The following USP48 variants were observed in gnomAD, a reference collection of about 807,000 sequenced individuals.
USP48 encodes ubiquitin carboxyl-terminal hydrolase 48.
A neutral mutation model predicts 150.7 loss-of-function variants in USP48; 43 were observed. The observed-to-expected ratio is 0.29, with a 90% CI of 0.22 to 0.37. The LOEUF (loss-of-function observed/expected upper bound fraction) is 0.37. USP48 is among the 10% of genes least tolerant of loss of function. The pLI, the probability that USP48 is intolerant of heterozygous loss-of-function variation, is 1.00. For missense variants in USP48, 813 were observed against 1,249.6 expected (o/e 0.65, Z 5.27); for synonymous variants, 396 against 425.9 (o/e 0.93, Z 0.86).
intron 15 of USP48, among the ~76,000 whole-genome samples, chr1:21,714,457 C>G (rs772141028): frequency 5.3e-5 from 8 of 152,062 alleles, no homozygotes; most frequent in African/African-American, 1.9e-4. Flanking sequence ...GAGACAGGGT[C>G]TTGCTGTGTT....
chr1:21,750,450 G>A (rs558162812), intron 6 of USP48, among the ~76,000 whole-genome samples: 1 of 152,146 alleles, frequency 6.6e-6, no homozygotes, highest in East Asian at 1.9e-4. Flanking sequence ...AGCCCTTATT[G>A]TAGTTGACCC....
intron 14 of USP48, among the ~76,000 whole-genome samples, chr1:21,718,483 T>C (rs2097710922): frequency 6.6e-6 from 1 of 152,054 alleles, no homozygotes. Flanking sequence ...TTTTAAGCTA[T>C]GCCAACATGA....
chr1:21,706,547 T>C lies in USP48; in HGVS notation c.2131A>G (p.Met711Val). The change falls in exon 17 of 27, where the codon ATG (methionine) becomes GTG (valine). Residue 711 changes from methionine to valine, a missense_variant. By Grantham distance (21) the Met-to-Val change is conservative. Coordinates refer to ENST00000308271, the MANE Select transcript of USP48 (RefSeq NM_032236.8). ...GAAGTCTTTTGCTCGTTTGCAATCA[T>C]CTTATGTAAGGCTTCATTTTCTTCC... is the stretch of plus-strand genomic sequence containing the variant. ...EGEENEALHKMIANEQKTSLP... is the reference protein window; with the variant it reads ...EGEENEALHKVIANEQKTSLP... 6.2e-7 allele frequency: 1 copy of C among 1,614,222 alleles called. No individual in the cohort carries two copies. The highest frequency in any genetic ancestry group is 8.5e-7 in the Non-Finnish European group (1 of 1,180,032).
intron 20 of USP48, among the ~76,000 whole-genome samples, 188 bp downstream of exon 20, chr1:21,704,074 G>T (rs2097665080): frequency 6.6e-6 from 1 of 152,098 alleles, no homozygotes; most frequent in Non-Finnish European, 1.5e-5. Flanking sequence ...ACATGCAAAT[G>T]ATAAGGAAAT....
rs1311917843 is a variant in USP48 at position 21,739,936 on chromosome 1, G to GA, written c.992-3312dup. ...CAGTATTTGTCTTTTTTTTGAGATG[G>GA]AGTTTGGTCTTGTTGCCCAGGCTGG... On this transcript the variant is annotated intron_variant, in intron 8 of 26. Transcript: ENST00000308271. 6.7e-4 allele frequency among the ~76,000 whole-genome samples: 4 copies of GA among 5,968 alleles called. No homozygotes were observed. In the Non-Finnish European group the frequency reaches 9.6e-3, roughly 14 times the overall value. The allele number at this position is 5,968 out of a possible 152,430, so 3.9% of individuals were successfully genotyped here. A position where few individuals can be genotyped will look rare whatever the true frequency, so the allele number is the denominator to read the frequency against.
At chr1:21,762,865 C>CAA (rs34834573) in intron 1 of USP48, among the ~76,000 whole-genome samples, 6,754 of 75,586 alleles carry the variant, frequency 0.089, 317 homozygotes, top group Non-Finnish European at 0.13. Context: ...GACTTCATCT[C>CAA]AAAAAAAAAA....
At chr1:21,770,953 T>C (rs1468075423) in intron 1 of USP48, among the ~76,000 whole-genome samples, 2 of 151,218 alleles carry the variant, frequency 1.3e-5, no homozygotes, top group African/African-American at 4.9e-5. Flanking sequence ...TGAAACCCCA[T>C]CTCTACTAAA....
At chr1:21,705,700 A>C in intron 19 of USP48, 27 bp downstream of exon 19, 2 of 1,512,004 alleles carry the variant, frequency 1.3e-6, no homozygotes, top group Non-Finnish European at 1.8e-6. Flanking sequence ...AGAAGAAAAA[A>C]AAATCACATG....
Position 21,723,940 on chromosome 1 carries a change from C to T in USP48, c.1606G>A (p.Asp536Asn), listed in dbSNP as rs370123033. The change falls in exon 12 of 27, where the codon GAC becomes AAC. Residue 536 changes from aspartate to asparagine, a missense_variant. Transcript: ENST00000308271. ...IMKRISEYAA[D>N]IFYSRYGGGP... is the part of the protein sequence containing the mutation. ...CCTCCATATCTACTATAGAAAATGT[C>T]AGCTGCATATTCAGATATCCTCTTC... The T allele has an allele frequency of 8.9e-5, 144 of 1,614,018 alleles. No individual in the cohort carries two copies. The highest frequency in any genetic ancestry group is 1.8e-4 in the South Asian group (16 of 91,088).
chr1:21,714,333 C>A (rs936341425), intron 15 of USP48, among the ~76,000 whole-genome samples: 3 of 152,132 alleles, frequency 2.0e-5, no homozygotes. Context: ...TGGAGTGCAG[C>A]GTCGTGATCA....
Position 21,697,459 on chromosome 1 carries a change from T to G in USP48, c.2728-2238A>C, listed in dbSNP as rs185896330. Among the ~76,000 whole-genome samples, 856 of 152,054 alleles carry G rather than the reference T, an allele frequency of 5.6e-3. 11 individuals are homozygous for G. The highest frequency in any genetic ancestry group is 5.2e-3 in the Non-Finnish European group (352 of 67,960). On this transcript the variant is annotated intron_variant, in intron 22 of 26. Transcript: ENST00000308271. ...TGGGCGGATCACAAGGTCAGGAGAT[T>G]GAGACCATCCTGGCTAACATGGTGA...
intron 15 of USP48, among the ~76,000 whole-genome samples, chr1:21,712,351 G>A (rs1339765776): frequency 1.3e-5 from 2 of 151,826 alleles, no homozygotes; most frequent in Admixed American, 6.6e-5. Flanking sequence ...ACAGTGAGAC[G>A]CCATCTCAAA....
chr1:21,689,956 A>T lies in USP48; in HGVS notation c.3009+18T>A. ...ATGTAAAACCTTGAGTTCTTCAGCT[A>T]AGGAGCTGTTTACTTACCTTCAATA... is the stretch of plus-strand genomic sequence containing the variant. On this transcript the variant is annotated intron_variant, in intron 24 of 26. Transcript: ENST00000308271. 1.2e-6 allele frequency: 2 copies of T among 1,612,874 alleles called. No homozygotes were observed. The highest frequency in any genetic ancestry group is 1.7e-6 in the Non-Finnish European group (2 of 1,179,434).
chr1:21,729,189 A>AG (rs2097749212), intron 10 of USP48, among the ~76,000 whole-genome samples: 1 of 151,952 alleles, frequency 6.6e-6, no homozygotes, highest in African/African-American at 2.4e-5. Context: ...AGGCTGAGGC[A>AG]CAGAACTGCT....
intron 9 of USP48, among the ~76,000 whole-genome samples, chr1:21,734,557 C>G (rs2097764453): frequency 6.6e-6 from 1 of 152,206 alleles, no homozygotes; most frequent in Non-Finnish European, 1.5e-5. Context: ...TACTGGACAC[C>G]TTGAATAAAT....
At chr1:21,694,234 A>T (rs1236435578) in intron 23 of USP48, among the ~76,000 whole-genome samples, 1 of 152,136 alleles carries the variant, frequency 6.6e-6, no homozygotes, top group Non-Finnish European at 1.5e-5. Flanking sequence ...ATCTAAAATA[A>T]ATCTATATAA....
intron 9 of USP48, among the ~76,000 whole-genome samples, chr1:21,730,886 A>G (rs1312224268): frequency 6.6e-6 from 1 of 150,780 alleles, no homozygotes. Flanking sequence ...TCAGCCTCTC[A>G]AGTAGCTGGG....
rs970180143 is a variant in USP48 at position 21,757,644 on chromosome 1, T to C, written c.255+19A>G. ...ACAAAAAACAGCATATAGCAATCGC[T>C]TAAAAAATGATGGTTTACCTTTTTT... On this transcript the variant is annotated intron_variant, in intron 2 of 26. Coordinates refer to ENST00000308271, the MANE Select transcript of USP48 (RefSeq NM_032236.8). The C allele has an allele frequency of 8.7e-6, 14 of 1,601,550 alleles. No individual in the cohort carries two copies. Among genetic ancestry groups the C allele is most frequent in the South Asian group, 2.3e-5 (2 of 87,862 alleles).
Position 21,706,184 on chromosome 1 carries a change from T to A in USP48, c.2215A>T (p.Thr739Ser), listed in dbSNP as rs765984988. 7.1e-5 allele frequency: 115 copies of A among 1,613,358 alleles called. No individual in the cohort carries two copies. The highest frequency in any genetic ancestry group is 9.2e-5 in the Non-Finnish European group (109 of 1,179,766). ...RPCLSNWPEDTDVLYIVSQFF... is the reference protein window; with the variant it reads ...RPCLSNWPEDSDVLYIVSQFF... ...TGAGACACGATGTAGAGGACATCCG[T>A]ATCCTAGAACACAAAAATCACAAAA... is the stretch of plus-strand genomic sequence containing the variant. The change falls in exon 18 of 27, where the codon ACG (threonine) becomes TCG (serine). Residue 739 changes from threonine to serine, a missense_variant. Coordinates refer to ENST00000308271, the MANE Select transcript of USP48 (RefSeq NM_032236.8).
Sources: allele counts gnomAD v4.1 joint callset (sites outside exome capture counted in the v4.1 genomes callset), GRCh38; gene constraint gnomAD v4.1.1; transcripts MANE v1.5; gene names NCBI Gene and HGNC (gene_info 2026-07-23, HGNC 2026-07-21).